Variants in DOK5 observed in about 807,000 individuals in gnomAD.
DOK5 encodes docking protein 5, also known as downstream of tyrosine kinase 5.
DOK5 carries 27 observed loss-of-function variants against 43.3 expected under a neutral mutation model. The observed-to-expected ratio is 0.62, with a 90% CI of 0.46 to 0.86. DOK5 has a LOEUF of 0.86. Among genes scored for constraint, DOK5 ranks in the 40% least tolerant of loss-of-function variants. The probability of loss-of-function intolerance (pLI) is 0.00; values close to 1 mark genes in which losing one functional copy is unlikely to be tolerated. For missense variants in DOK5, 373 were observed against 392.9 expected (o/e 0.95, Z 0.43); for synonymous variants, 146 against 140.1 (o/e 1.04, Z -0.30).
intron 1 of DOK5, among the ~76,000 whole-genome samples, chr20:54,508,945 C>T (rs187917211): frequency 3.3e-5 from 5 of 149,686 alleles, no homozygotes; most frequent in East Asian, 4.0e-4. Flanking sequence ...GACACGATCT[C>T]GGCTCACTGC....
At chr20:54,500,263 A>T (rs1982545806) in intron 1 of DOK5, among the ~76,000 whole-genome samples, 1 of 152,212 alleles carries the variant, frequency 6.6e-6, no homozygotes, top group Non-Finnish European at 1.5e-5. Context: ...CATAGTTAGA[A>T]TCTTTAGAAG....
chr20:54,489,049 T>C (rs115847020), intron 1 of DOK5, among the ~76,000 whole-genome samples: 2,726 of 152,186 alleles, frequency 0.018, 71 homozygotes, highest in African/African-American at 0.058. Flanking sequence ...AGAAGACAAA[T>C]AGAAAACTGT....
At chr20:54,608,880 G>A (rs1002122428) in intron 5 of DOK5, among the ~76,000 whole-genome samples, 2 of 151,938 alleles carry the variant, frequency 1.3e-5, no homozygotes, top group Non-Finnish European at 2.9e-5. Flanking sequence ...TCACCATGTT[G>A]GCCAAGCTGG....
intron 1 of DOK5, among the ~76,000 whole-genome samples, chr20:54,523,787 G>T (rs1983492766): frequency 6.6e-6 from 1 of 151,822 alleles, no homozygotes; most frequent in Non-Finnish European, 1.5e-5. Flanking sequence ...ATTTTTAGTA[G>T]AGTTGGGGTT....
intron 5 of DOK5, among the ~76,000 whole-genome samples, chr20:54,607,624 T>A (rs1986511953): frequency 6.6e-6 from 1 of 151,526 alleles, no homozygotes; most frequent in African/African-American, 2.4e-5. Flanking sequence ...CAGTGACTCA[T>A]GCCTGTAATC....
chr20:54,623,233 A>C (rs375355112), intron 6 of DOK5, among the ~76,000 whole-genome samples: 17 of 152,242 alleles, frequency 1.1e-4, no homozygotes, highest in Middle Eastern at 3.4e-3. Flanking sequence ...GAGTGCTGTA[A>C]GTTCCATACA....
At chr20:54,638,752 C>CTTTTTTTTTTTT (rs11476340) in intron 6 of DOK5, among the ~76,000 whole-genome samples, 5 of 98,532 alleles carry the variant, frequency 5.1e-5, no homozygotes, top group Non-Finnish European at 8.4e-5. Flanking sequence ...CTTTTCTTTT[C>CTTTTTTTTTTTT]TTTTTTTTTT....
chr20:54,556,804 G>T (rs1001489850), intron 2 of DOK5, among the ~76,000 whole-genome samples: 1 of 152,116 alleles, frequency 6.6e-6, no homozygotes, highest in African/African-American at 2.4e-5. Flanking sequence ...CATTGTGTGT[G>T]GCCTTTTGGT....
intron 5 of DOK5, among the ~76,000 whole-genome samples, chr20:54,601,183 G>C (rs918723309): frequency 6.6e-6 from 1 of 152,198 alleles, no homozygotes; most frequent in Non-Finnish European, 1.5e-5. Flanking sequence ...GGATTTTCCA[G>C]AGGTCAGTTT....
At chr20:54,513,512 C>A (rs2146689544) in intron 1 of DOK5, among the ~76,000 whole-genome samples, 1 of 148,542 alleles carries the variant, frequency 6.7e-6, no homozygotes, top group Non-Finnish European at 1.5e-5. Context: ...TGTAGGCCAC[C>A]ATTTTGCCAC....
intron 2 of DOK5, among the ~76,000 whole-genome samples, chr20:54,579,938 A>G (rs1985583437): frequency 6.6e-6 from 1 of 151,866 alleles, no homozygotes; most frequent in Non-Finnish European, 1.5e-5. Flanking sequence ...CTAGCCCTCC[A>G]TCCCCCGACA....
intron 1 of DOK5, among the ~76,000 whole-genome samples, chr20:54,506,616 C>T (rs550156803): frequency 1.2e-4 from 19 of 152,280 alleles, no homozygotes; most frequent in South Asian, 4.1e-4. Context: ...GGTGCCACCA[C>T]GCCTGGCTAA....
intron 1 of DOK5, among the ~76,000 whole-genome samples, chr20:54,513,983 A>C (rs1273872430): frequency 6.6e-6 from 1 of 152,172 alleles, no homozygotes; most frequent in Non-Finnish European, 1.5e-5. Flanking sequence ...TTTGAGATTC[A>C]GATTACTTAT....
At chr20:54,575,652 G>A (rs1985430809) in intron 2 of DOK5, among the ~76,000 whole-genome samples, 1 of 152,170 alleles carries the variant, frequency 6.6e-6, no homozygotes. Context: ...TGTTGGCCAG[G>A]CTGGTCTCAG....
At position 54,483,380 on chromosome 20, in the gene DOK5, A is replaced by G. The variant is rs569640361; in HGVS notation, c.66+7368A>G. The stretch of plus-strand genomic sequence containing the variant: ...TTCCATTTGTTTTATCATTCCTCAA[A>G]TATTTCTTGAGTACCTATTAGTGTT... On this transcript the variant is annotated intron_variant, in intron 1 of 7. Coordinates refer to ENST00000262593, the MANE Select transcript of DOK5 (RefSeq NM_018431.5). 8.5e-5 allele frequency among the ~76,000 whole-genome samples: 13 copies of G among 152,334 alleles called. No homozygotes were observed. The South Asian group carries it at 1.2e-3, about 15-fold the overall frequency.
chr20:54,549,597 G>T (rs1301339563), intron 1 of DOK5, among the ~76,000 whole-genome samples: 1 of 152,204 alleles, frequency 6.6e-6, no homozygotes, highest in East Asian at 1.9e-4. Context: ...CATTAGGCAT[G>T]CTGAAATTGA....
At chr20:54,557,877 T>C (rs1160288931) in intron 2 of DOK5, among the ~76,000 whole-genome samples, 1 of 152,218 alleles carries the variant, frequency 6.6e-6, no homozygotes, top group African/African-American at 2.4e-5. Context: ...ACACACTTGC[T>C]TGGTTGTTTC....
Position 54,643,480 on chromosome 20 carries a change from G to C in DOK5, c.758G>C (p.Arg253Pro), listed in dbSNP as rs145562960. The change falls in exon 7 of 8, where the codon CGG becomes CCG. Residue 253 changes from arginine to proline, a missense_variant. By Grantham distance (103) the Arg-to-Pro change is moderately radical. Coordinates refer to ENST00000262593, the MANE Select transcript of DOK5 (RefSeq NM_018431.5). Reference sequence around the variant, plus strand: ...CAGCTCCAGATGAAGATGAGTGAGCGGGCCGCCTCGCTGAGCACCATGGTG... The same window carrying C: ...CAGCTCCAGATGAAGATGAGTGAGCCGGCCGCCTCGCTGAGCACCATGGTG... ...NSMLQMKMSE[R>P]AASLSTMVPL... 2 of 1,613,558 alleles carry C rather than the reference G, an allele frequency of 1.2e-6. No homozygotes were observed. Among genetic ancestry groups the C allele is most frequent in the Admixed American group, 1.7e-5 (1 of 60,028 alleles).
chr20:54,480,945 A>G lies in DOK5; in HGVS notation c.66+4933A>G, dbSNP rs1007646930. Among the ~76,000 whole-genome samples the G allele has an allele frequency of 3.1e-4, 40 of 128,528 alleles. 1 individual carries two copies. Among genetic ancestry groups the G allele is most frequent in the Admixed American group, 1.5e-4 (2 of 13,180 alleles). 84.3% of individuals were successfully genotyped at this position (128,528 alleles called of 152,430 possible). ...TCTATCAATCATCTATCATCTATCT[A>G]TCTATCATCTATCTATCATCTATCA... On this transcript the variant is annotated intron_variant, in intron 1 of 7. Transcript: ENST00000262593.
Sources: allele counts gnomAD v4.1 joint callset (sites outside exome capture counted in the v4.1 genomes callset), GRCh38; gene constraint gnomAD v4.1.1; transcripts MANE v1.5; gene names NCBI Gene and HGNC (gene_info 2026-07-23, HGNC 2026-07-21).